OLFML1: variants seen among roughly 807,000 people sequenced by gnomAD.
OLFML1 encodes olfactomedin like 1.
OLFML1 carries 33 observed loss-of-function variants against 37.3 expected under a neutral mutation model. That is an observed-to-expected ratio of 0.88 (90% CI 0.67 to 1.18). The LOEUF is 1.18. Among genes scored for constraint, OLFML1 ranks in the 50% most tolerant of loss-of-function variants. OLFML1 has a pLI of 0.00. For synonymous variants in OLFML1, 186 were observed against 181.3 expected (o/e 1.03, Z -0.21); for missense variants, 545 against 483.7 (o/e 1.13, Z -1.19).
At chr11:7,490,280 G>A (rs991801343) in intron 2 of OLFML1, among the ~76,000 whole-genome samples, 2 of 152,122 alleles carry the variant, frequency 1.3e-5, no homozygotes, top group Admixed American at 1.3e-4. Context: ...TCCTCAAAGA[G>A]GGAGAAGCTG....
In OLFML1 at chr11:7,491,448, C is replaced by T. The variant is rs1307452734; in HGVS notation, c.418+3033C>T. Among the ~76,000 whole-genome samples, 3 of 138,184 alleles carry T rather than the reference C, an allele frequency of 2.2e-5. No homozygotes were observed. The East Asian group carries it at 6.0e-4, about 28-fold the overall frequency. The allele number at this position is 138,184 out of a possible 152,430, so 90.7% of individuals were successfully genotyped here. A position where few individuals can be genotyped will look rare whatever the true frequency, so the allele number is the denominator to read the frequency against. ...TTGTTTACAGAAGAAATAACAATGG[C>T]AGAGGCCCCTGCAGAGCTTAGTTTA... is the stretch of plus-strand genomic sequence containing the variant. On this transcript the variant is annotated intron_variant, in intron 2 of 2. Transcript: ENST00000329293.
Position 7,510,204 on chromosome 11 carries a change from A to G in OLFML1, c.*16A>G. On this transcript the variant is annotated 3_prime_UTR_variant, in exon 3 of 3. Transcript: ENST00000329293. ...TCTGAAGTAATGCATTACAGCTGTG[A>G]GAAAGAGCACTGTGGCTTTGGCAGC... is the stretch of plus-strand genomic sequence containing the variant. The G allele has an allele frequency of 1.3e-6, 2 of 1,586,870 alleles. No individual in the cohort carries two copies. The highest frequency in any genetic ancestry group is 1.7e-6 in the Non-Finnish European group (2 of 1,171,876).
rs1402785311 is a variant in OLFML1 at position 7,485,981 on chromosome 11, T to C, written c.106T>C (p.Tyr36His). The C allele has an allele frequency of 6.2e-7, 1 of 1,614,084 alleles. No homozygotes were observed. The highest frequency in any genetic ancestry group is 1.1e-5 in the South Asian group (1 of 91,074). The change falls in exon 1 of 3, where the codon TAC becomes CAC. Residue 36 changes from tyrosine to histidine, a missense_variant. Transcript: ENST00000329293. ...TQDPAMVHYIYQRFRVLEQGL... is the reference protein window; with the variant it reads ...TQDPAMVHYIHQRFRVLEQGL... ...GGACCCAGCCATGGTGCATTACATCTACCAGCGCTTTCGAGTCTTGGAGGT... is the reference window on the plus strand; with the variant it reads ...GGACCCAGCCATGGTGCATTACATCCACCAGCGCTTTCGAGTCTTGGAGGT...
In OLFML1 at chr11:7,485,945, C is replaced by T; in HGVS notation, c.70C>T (p.Gln24Ter). The change falls in exon 1 of 3, where the codon CAG (glutamine) becomes TAG (stop). Residue 24 changes from glutamine to a stop codon, truncating the protein, a stop_gained. Coordinates refer to ENST00000329293, the MANE Select transcript of OLFML1 (RefSeq NM_198474.4). LOFTEE classifies it high-confidence loss of function. The stretch of plus-strand genomic sequence containing the variant: ...CCTTGCAGCTTTTCTGCCCCCGCCG[C>T]AGTGTACCCAGGACCCAGCCATGGT... Reference protein sequence around the residue: ...LFLAAFLPPPQCTQDPAMVHY... With the variant: ...LFLAAFLPPP 6.2e-7 allele frequency: 1 copy of T among 1,614,032 alleles called. No homozygotes were observed. Among genetic ancestry groups the T allele is most frequent in the Non-Finnish European group, 8.5e-7 (1 of 1,179,946 alleles).
chr11:7,494,696 G>A (rs1848640004), intron 2 of OLFML1, among the ~76,000 whole-genome samples: 1 of 152,176 alleles, frequency 6.6e-6, no homozygotes, highest in Non-Finnish European at 1.5e-5. Context: ...AGGGGAGGCT[G>A]AGGGGGCACA....
chr11:7,489,263 T>C (rs559113388), intron 2 of OLFML1, among the ~76,000 whole-genome samples: 1 of 152,290 alleles, frequency 6.6e-6, no homozygotes, highest in East Asian at 1.9e-4. Context: ...ATGGTCACTA[T>C]AAGGAAAAGG....
At chr11:7,498,700 T>C (rs1185736558) in intron 2 of OLFML1, among the ~76,000 whole-genome samples, 5 of 152,134 alleles carry the variant, frequency 3.3e-5, no homozygotes, top group Non-Finnish European at 7.4e-5. Context: ...CAGGAAGCAG[T>C]CAAAATACTC....
At chr11:7,508,192 G>A (rs1237998583) in intron 2 of OLFML1, among the ~76,000 whole-genome samples, 4 of 152,200 alleles carry the variant, frequency 2.6e-5, no homozygotes, top group African/African-American at 9.6e-5. Flanking sequence ...GGCTGAGAAG[G>A]AGGAAAAGAA....
chr11:7,502,156 A>G (rs536884426), intron 2 of OLFML1, among the ~76,000 whole-genome samples: 2 of 152,246 alleles, frequency 1.3e-5, no homozygotes, highest in African/African-American at 2.4e-5. Flanking sequence ...CAAGAAAAAG[A>G]GCACTCCAGG....
In OLFML1 at chr11:7,509,789, T is replaced by C; in HGVS notation, c.810T>C (p.Ile270=). 1 of 1,614,220 alleles carries C rather than the reference T, an allele frequency of 6.2e-7. No homozygotes were observed. The highest frequency in any genetic ancestry group is 8.5e-7 in the Non-Finnish European group (1 of 1,180,034). ...ACCAGCACTCCCCCTCAACTTACAT[T>C]GACCTGGCTGTGGATGAGCATGGGC... ...LVYQHSPSTY[I]DLAVDEHGLW... is the part of the protein sequence containing the mutation. The change falls in exon 3 of 3, where the codon ATT becomes ATC. Residue 270 remains isoleucine (I), a synonymous_variant. Coordinates refer to ENST00000329293, the MANE Select transcript of OLFML1 (RefSeq NM_198474.4).
At chr11:7,495,126 T>A (rs987510583) in intron 2 of OLFML1, among the ~76,000 whole-genome samples, 4 of 152,114 alleles carry the variant, frequency 2.6e-5, no homozygotes, top group Non-Finnish European at 4.4e-5. Flanking sequence ...TTCTTGTGAA[T>A]CTCTCTCAAG....
At chr11:7,501,296 G>T (rs528468890) in intron 2 of OLFML1, among the ~76,000 whole-genome samples, 2 of 152,162 alleles carry the variant, frequency 1.3e-5, no homozygotes, top group Non-Finnish European at 2.9e-5. Flanking sequence ...TATGGCAGGG[G>T]GTCCTTCTGT....
chr11:7,511,025 A>C lies in OLFML1; in HGVS notation c.*837A>C, dbSNP rs148305607. On this transcript the variant is annotated 3_prime_UTR_variant, in exon 3 of 3. Coordinates refer to ENST00000329293, the MANE Select transcript of OLFML1 (RefSeq NM_198474.4). Reference sequence around the variant, plus strand: ...AGTTTAGGTGAGTAACACAATTACAAAGTGAAAGATACAGCTAGAAAATAC... The same window carrying C: ...AGTTTAGGTGAGTAACACAATTACACAGTGAAAGATACAGCTAGAAAATAC... The C allele has an allele frequency of 7.4e-4, 113 of 152,366 alleles. No individual in the cohort carries two copies. Among genetic ancestry groups the C allele is most frequent in the African/African-American group, 2.6e-3 (109 of 41,588 alleles). The allele number at this position is 152,366 out of a possible 1,614,324, so 9.4% of individuals were successfully genotyped here. A position where few individuals can be genotyped will look rare whatever the true frequency, so the allele number is the denominator to read the frequency against.
chr11:7,496,101 C>T (rs1204106907), intron 2 of OLFML1, among the ~76,000 whole-genome samples: 1 of 152,234 alleles, frequency 6.6e-6, no homozygotes, highest in South Asian at 2.1e-4. Flanking sequence ...GTCAGTGGCA[C>T]GTTGCCTAGG....
intron 2 of OLFML1, among the ~76,000 whole-genome samples, chr11:7,491,844 C>G (rs1358983291): frequency 7.9e-6 from 1 of 125,908 alleles, no homozygotes; most frequent in African/African-American, 3.3e-5. Flanking sequence ...CTGCACAACA[C>G]AGCTATTGCT....
chr11:7,502,645 A>T (rs996112451), intron 2 of OLFML1, among the ~76,000 whole-genome samples: 6 of 150,328 alleles, frequency 4.0e-5, no homozygotes, highest in Admixed American at 6.7e-5. Context: ...CTCGCTCTGT[A>T]TCCAGGATGG....
Position 7,509,980 on chromosome 11 carries a change from G to C in OLFML1, c.1001G>C (p.Gly334Ala). 1.2e-6 allele frequency: 2 copies of C among 1,614,206 alleles called. No homozygotes were observed. The highest frequency in any genetic ancestry group is 1.7e-5 in the Admixed American group (1 of 60,028). The change falls in exon 3 of 3, where the codon GGG (glycine) becomes GCG (alanine). Residue 334 changes from glycine to alanine, a missense_variant. Coordinates refer to ENST00000329293, the MANE Select transcript of OLFML1 (RefSeq NM_198474.4). ...CGVLYVVYST[G>A]GQGPHRITCI... ...GTTCTCTATGTGGTCTACAGTACTG[G>C]GGGCCAGGGCCCTCATCGCATCACC...
At position 7,511,316 on chromosome 11, in the gene OLFML1, A is replaced by T. The variant is rs993882688; in HGVS notation, c.*1128A>T. 1 of 152,230 alleles carries T rather than the reference A, an allele frequency of 6.6e-6. No individual in the cohort carries two copies. 9.4% of individuals were successfully genotyped at this position (152,230 alleles called of 1,614,324 possible). A position where few individuals can be genotyped will look rare whatever the true frequency, so the allele number is the denominator to read the frequency against. On this transcript the variant is annotated 3_prime_UTR_variant, in exon 3 of 3. Transcript: ENST00000329293. ...CTCTCTTTCTGCTTTAAATTCAATA[A>T]AAGTGACACTGAGCAAATAACCTCA...
At chr11:7,490,835 C>G (rs1224286819) in intron 2 of OLFML1, among the ~76,000 whole-genome samples, 1 of 152,128 alleles carries the variant, frequency 6.6e-6, no homozygotes, top group East Asian at 1.9e-4. Flanking sequence ...AGCTTCCTTA[C>G]CACTTCTCTT....
Sources: gnomAD v4.1 joint callset for allele counts (sites outside exome capture counted in the v4.1 genomes callset) on GRCh38, gnomAD v4.1.1 for gene constraint, MANE v1.5 for transcripts, NCBI Gene and HGNC (gene_info 2026-07-23, HGNC 2026-07-21) for gene names.